Variants in CCSER1 observed in about 807,000 individuals in gnomAD.
CCSER1 encodes the protein coiled-coil serine rich protein 1.
CCSER1 carries 41 observed loss-of-function variants against 82.0 expected under a neutral mutation model. The ratio of observed to expected loss-of-function variants is 0.50; its 90% confidence interval spans 0.39 to 0.65. The LOEUF (loss-of-function observed/expected upper bound fraction) is 0.65, where lower values mean the gene tolerates loss of function less well. Among genes scored for constraint, CCSER1 ranks in the 30% least tolerant of loss-of-function variants. CCSER1 has a pLI of 0.00. For missense variants in CCSER1, 1,119 were observed against 1,064.2 expected (o/e 1.05, Z -0.72); for synonymous variants, 414 against 383.9 (o/e 1.08, Z -0.92).
At chr4:90,846,237 T>C (rs1444541889) in intron 8 of CCSER1, among the ~76,000 whole-genome samples, 6 of 152,222 alleles carry the variant, frequency 3.9e-5, no homozygotes, top group African/African-American at 1.4e-4. Context: ...TGTTTATGTA[T>C]AGAAATCCTT....
chr4:90,243,638 T>C (rs1395365881), intron 1 of CCSER1, among the ~76,000 whole-genome samples: 5 of 152,028 alleles, frequency 3.3e-5, no homozygotes, highest in Admixed American at 2.6e-4. Flanking sequence ...TCCTACAGTC[T>C]CAACCTCCCA....
chr4:91,280,143 G>A (rs1308718341), intron 10 of CCSER1, among the ~76,000 whole-genome samples: 1 of 152,214 alleles, frequency 6.6e-6, no homozygotes, highest in African/African-American at 2.4e-5. Flanking sequence ...GGAGTGGCAG[G>A]ACAAGCATGC....
intron 10 of CCSER1, among the ~76,000 whole-genome samples, chr4:91,511,249 G>C (rs1759807108): frequency 6.6e-6 from 1 of 152,066 alleles, no homozygotes; most frequent in African/African-American, 2.4e-5. Flanking sequence ...GTCTAAAGTT[G>C]AGTAATATGA....
chr4:90,926,867 G>A (rs985678088), intron 9 of CCSER1, among the ~76,000 whole-genome samples: 30 of 152,162 alleles, frequency 2.0e-4, no homozygotes, highest in Non-Finnish European at 3.8e-4. Flanking sequence ...AAACAGGATA[G>A]AAGATGAATA....
chr4:90,747,111 AAAT>A (rs1446675597), intron 7 of CCSER1, among the ~76,000 whole-genome samples: 1 of 152,166 alleles, frequency 6.6e-6, no homozygotes, highest in Non-Finnish European at 1.5e-5. Context: ...GGGAGACAGA[AAAT>A]AAAAAAAGAA....
intron 5 of CCSER1, among the ~76,000 whole-genome samples, chr4:90,490,271 G>A (rs979289410): frequency 3.3e-5 from 5 of 152,182 alleles, no homozygotes; most frequent in South Asian, 2.1e-4. Flanking sequence ...TCTGATGGTC[G>A]GTGATGATGA....
At chr4:90,636,570 T>A (rs1725452982) in intron 6 of CCSER1, among the ~76,000 whole-genome samples, 1 of 152,046 alleles carries the variant, frequency 6.6e-6, no homozygotes, top group Non-Finnish European at 1.5e-5. Context: ...AGCAATACAA[T>A]TTACTATATT....
chr4:90,542,541 G>T (rs1198989390), intron 5 of CCSER1, among the ~76,000 whole-genome samples: 1 of 152,054 alleles, frequency 6.6e-6, no homozygotes, highest in Non-Finnish European at 1.5e-5. Flanking sequence ...AGGGTACTCA[G>T]TTATGACAAA....
chr4:91,157,789 C>T (rs1420668597), intron 10 of CCSER1, among the ~76,000 whole-genome samples: 1 of 151,956 alleles, frequency 6.6e-6, no homozygotes, highest in African/African-American at 2.4e-5. Context: ...TAATGTTCTC[C>T]TTTACAGGTA....
At chr4:90,590,936 A>G (rs1248739578) in intron 5 of CCSER1, among the ~76,000 whole-genome samples, 1 of 152,148 alleles carries the variant, frequency 6.6e-6, no homozygotes, top group Non-Finnish European at 1.5e-5. Flanking sequence ...ATCAGCGTGG[A>G]ACTATTTTCC....
At chr4:91,305,572 A>G (rs529374327) in intron 10 of CCSER1, among the ~76,000 whole-genome samples, 2 of 152,228 alleles carry the variant, frequency 1.3e-5, no homozygotes, top group African/African-American at 4.8e-5. Flanking sequence ...ATTGATTCAT[A>G]CATTTCATTT....
At chr4:90,153,769 A>G (rs1336987476) in intron 1 of CCSER1, among the ~76,000 whole-genome samples, 2 of 152,078 alleles carry the variant, frequency 1.3e-5, no homozygotes, top group Non-Finnish European at 2.9e-5. Context: ...TTCATTGTAG[A>G]TTCTGGATAT....
chr4:90,378,879 T>C (rs2153530130), intron 3 of CCSER1, among the ~76,000 whole-genome samples: 1 of 152,244 alleles, frequency 6.6e-6, no homozygotes, highest in Non-Finnish European at 1.5e-5. Flanking sequence ...GAATAGTACT[T>C]TATCCCCTAA....
At chr4:91,338,231 T>C (rs1747453272) in intron 10 of CCSER1, among the ~76,000 whole-genome samples, 1 of 152,186 alleles carries the variant, frequency 6.6e-6, no homozygotes, top group African/African-American at 2.4e-5. Flanking sequence ...ATGACAGTTA[T>C]TATAAAAGCT....
Position 90,514,847 on chromosome 4 carries a change from A to G in CCSER1, c.1724+46493A>G, listed in dbSNP as rs189306493. On this transcript the variant is annotated intron_variant, in intron 5 of 10. Transcript: ENST00000509176. Reference sequence around the variant, plus strand: ...AATATATAATTCATAGTTAATCTCTATATTACATTATTACATAGTTAATTA... The same window carrying G: ...AATATATAATTCATAGTTAATCTCTGTATTACATTATTACATAGTTAATTA... 7.9e-5 allele frequency among the ~76,000 whole-genome samples: 12 copies of G among 152,076 alleles called. No individual in the cohort carries two copies. The East Asian group carries it at 2.1e-3, about 27-fold the overall frequency.
At chr4:90,132,797 CACTA>C (rs1723023849) in intron 1 of CCSER1, among the ~76,000 whole-genome samples, 2 of 152,184 alleles carry the variant, frequency 1.3e-5, no homozygotes, top group African/African-American at 4.8e-5. Context: ...ATTTACACTG[CACTA>C]ACTCTTTTCA....
chr4:90,524,457 T>G (rs1048888749), intron 5 of CCSER1, among the ~76,000 whole-genome samples: 1 of 151,714 alleles, frequency 6.6e-6, no homozygotes, highest in African/African-American at 2.4e-5. Flanking sequence ...ATGAAGATTG[T>G]TTTTTTTGTT....
At chr4:90,144,183 A>C (rs930892386) in intron 1 of CCSER1, among the ~76,000 whole-genome samples, 1 of 152,180 alleles carries the variant, frequency 6.6e-6, no homozygotes, top group East Asian at 1.9e-4. Context: ...TTTTATTATA[A>C]TTCACAGCTT....
intron 10 of CCSER1, among the ~76,000 whole-genome samples, chr4:91,471,430 A>G (rs1757267322): frequency 6.6e-6 from 1 of 152,174 alleles, no homozygotes; most frequent in Admixed American, 6.5e-5. Flanking sequence ...AGATGAGATC[A>G]TTCAGGTTCA....
Sources: allele counts gnomAD v4.1 joint callset (sites outside exome capture counted in the v4.1 genomes callset), GRCh38; gene constraint gnomAD v4.1.1; transcripts MANE v1.5; gene names NCBI Gene and HGNC (gene_info 2026-07-23, HGNC 2026-07-21).